KMT2A: variants seen among roughly 807,000 people sequenced by gnomAD.
KMT2A encodes the protein histone-lysine N-methyltransferase 2A.
Under a neutral mutation model 345.3 loss-of-function variants are expected in KMT2A, and 16 were observed. That is an observed-to-expected ratio of 0.05 (90% CI 0.03 to 0.07). The LOEUF (loss-of-function observed/expected upper bound fraction) is 0.07. Ranked by LOEUF, KMT2A falls within the 10% of genes least tolerant of loss-of-function variation. KMT2A has a pLI of 1.00. For missense variants in KMT2A, 3,272 were observed against 4,841.6 expected, an observed-to-expected ratio of 0.68 and a Z score of 9.62; for synonymous variants, 1,599 against 1,778.6, an observed-to-expected ratio of 0.90 and a Z score of 2.54.
rs1330841358 is a variant in KMT2A at position 118,520,837 on chromosome 11, G to A, written c.11465G>A (p.Arg3822His). Reference sequence around the variant, plus strand: ...AGCATGGATCTGCCAATGCCCATGCGCTTCCGGCACTTAAAAAAGACTTCT... The same window carrying A: ...AGCATGGATCTGCCAATGCCCATGCACTTCCGGCACTTAAAAAAGACTTCT... Reference protein sequence around the residue: ...ATSMDLPMPMRFRHLKKTSKE... With the variant: ...ATSMDLPMPMHFRHLKKTSKE... Residue 3822 changes from arginine (R) to histidine (H), a missense_variant, in exon 34 of 36, where the codon CGC becomes CAC. Transcript: ENST00000534358. The surrounding 1 kb of genome is among the most constrained non-coding windows in gnomAD (Gnocchi z 4.3). 2 of 1,613,922 alleles carry A rather than the reference G, an allele frequency of 1.2e-6. No individual in the cohort carries two copies. The highest frequency in any genetic ancestry group is 1.3e-5 in the African/African-American group (1 of 74,906).
At chr11:118,516,471 T>A (rs1809352716) in intron 31 of KMT2A, among the ~76,000 whole-genome samples, 1 of 152,078 alleles carries the variant, frequency 6.6e-6, no homozygotes. Context: ...TTAAAAAAAA[T>A]TAAATTAAAT....
chr11:118,460,389 G>A (rs1949723495), intron 1 of KMT2A, among the ~76,000 whole-genome samples: 1 of 151,246 alleles, frequency 6.6e-6, no homozygotes, highest in South Asian at 2.1e-4. Context: ...CCCAGGCTCA[G>A]GGATCCTCCT....
chr11:118,509,076 G>GTTTT, intron 28 of KMT2A, 60 bp from the exon 29 acceptor site: 1 of 1,491,142 alleles, frequency 6.7e-7, no homozygotes, highest in Non-Finnish European at 9.3e-7. Flanking sequence ...AAAATTCTGG[G>GTTTT]TTTTTTCTTT....
intron 1 of KMT2A, chr11:118,458,106 C>A (rs1949681307): frequency 3.1e-6 from 1 of 323,810 alleles, no homozygotes; most frequent in Non-Finnish European, 6.3e-6. Context: ...ATTTTTGAGA[C>A]AGGATCTCAC....
Position 118,494,764 on chromosome 11 carries a change from G to C in KMT2A, c.5360G>C (p.Ser1787Thr). The C allele has an allele frequency of 1.2e-6, 2 of 1,612,390 alleles. No individual in the cohort carries two copies. The highest frequency in any genetic ancestry group is 1.7e-6 in the Non-Finnish European group (2 of 1,178,534). The change falls in exon 18 of 36, where the codon AGC becomes ACC. Residue 1787 changes from serine to threonine, a missense_variant. By Grantham distance (58) the Ser-to-Thr change is moderately conservative. Coordinates refer to ENST00000534358, the MANE Select transcript of KMT2A (RefSeq NM_001197104.2). This position sits in a 1 kb window ranked among gnomAD's most constrained non-coding sequence, Gnocchi z 5.8. Reference sequence around the variant, plus strand: ...TTTTGGGAGCCAAATAAAGTATCAAGCAAGTAAGTGAATTTAGCATAACTT... The same window carrying C: ...TTTTGGGAGCCAAATAAAGTATCAACCAAGTAAGTGAATTTAGCATAACTT... Reference protein sequence around the residue: ...SRFWEPNKVSSNSGMLPNAVL... With the variant: ...SRFWEPNKVSTNSGMLPNAVL...
At chr11:118,500,207 C>A (rs1555045250) in intron 24 of KMT2A, among the ~76,000 whole-genome samples, 1 of 152,148 alleles carries the variant, frequency 6.6e-6, no homozygotes, top group Non-Finnish European at 1.5e-5. Flanking sequence ...CCATTCATCT[C>A]CATGCAGAAG....
At chr11:118,511,718 T>A (rs1361999693) in intron 30 of KMT2A, among the ~76,000 whole-genome samples, 1 of 152,224 alleles carries the variant, frequency 6.6e-6, no homozygotes, top group Admixed American at 6.5e-5. Flanking sequence ...TGACTTTCCT[T>A]AGTGCTTCTG....
chr11:118,521,257 G>C lies in KMT2A; in HGVS notation c.11514-31G>C, dbSNP rs200569641. 1 of 1,610,180 alleles carries C rather than the reference G, an allele frequency of 6.2e-7. No individual in the cohort carries two copies. Among genetic ancestry groups the C allele is most frequent in the Non-Finnish European group, 8.5e-7 (1 of 1,177,236 alleles). On this transcript the variant is annotated intron_variant, in intron 34 of 35. Coordinates refer to ENST00000534358, the MANE Select transcript of KMT2A (RefSeq NM_001197104.2). The surrounding 1 kb of genome is among the most constrained non-coding windows in gnomAD (Gnocchi z 5.3). ...GCACTTAACCTTACTTGCAAAATTT[G>C]TGTCTGACCTCTTTTCCATCTTTGT...
At position 118,494,624 on chromosome 11, in the gene KMT2A, T is replaced by A. The variant is rs932671197; in HGVS notation, c.5290-70T>A. On this transcript the variant is annotated intron_variant, in intron 17 of 35. Coordinates refer to ENST00000534358, the MANE Select transcript of KMT2A (RefSeq NM_001197104.2). This position sits in a 1 kb window ranked among gnomAD's most constrained non-coding sequence, Gnocchi z 5.8. Reference sequence around the variant, plus strand: ...ATCCTCGTATTAACAGAGAAGCTGGTTTGAAGATTTTTCATGTGGTATCTA... The same window carrying A: ...ATCCTCGTATTAACAGAGAAGCTGGATTGAAGATTTTTCATGTGGTATCTA... The A allele has an allele frequency of 7.4e-7, 1 of 1,357,566 alleles. No homozygotes were observed. Among genetic ancestry groups the A allele is most frequent in the African/African-American group, 1.4e-5 (1 of 69,612 alleles). 84.1% of individuals were successfully genotyped at this position (1,357,566 alleles called of 1,614,324 possible). A position where few individuals can be genotyped will look rare whatever the true frequency, so the allele number is the denominator to read the frequency against.
rs1359327837 is a variant in KMT2A, at chr11:118,498,252, A to G, written c.5803-118A>G. On this transcript the variant is annotated intron_variant, in intron 21 of 35. Transcript: ENST00000534358. The surrounding 1 kb of genome is among the most constrained non-coding windows in gnomAD (Gnocchi z 4.4). ...GATAAATTTTATCTGTTTTCAATTT[A>G]TCAATAGATAAAATGAATTGTAGGA... 2 of 1,202,216 alleles carry G rather than the reference A, an allele frequency of 1.7e-6. No homozygotes were observed. Among genetic ancestry groups the G allele is most frequent in the Non-Finnish European group, 2.3e-6 (2 of 853,864 alleles). The allele number at this position is 1,202,216 out of a possible 1,614,324, so 74.5% of individuals were successfully genotyped here.
intron 1 of KMT2A, among the ~76,000 whole-genome samples, chr11:118,468,564 T>C (rs1289529311): frequency 4.6e-5 from 7 of 152,202 alleles, no homozygotes; most frequent in Non-Finnish European, 8.8e-5. Context: ...GTTCAGTTAC[T>C]ACACAGCTCC....
In KMT2A at chr11:118,498,339, G is replaced by A; in HGVS notation, c.5803-31G>A. ...AACGTCTTAAAACATATGAAAGTCT[G>A]AATAGGACTCTGTTCTTTTTGGATT... is the stretch of plus-strand genomic sequence containing the variant. On this transcript the variant is annotated intron_variant, in intron 21 of 35. Transcript: ENST00000534358. This position sits in a 1 kb window ranked among gnomAD's most constrained non-coding sequence, Gnocchi z 4.4. The A allele has an allele frequency of 6.3e-7, 1 of 1,595,102 alleles. No homozygotes were observed. The highest frequency in any genetic ancestry group is 8.5e-7 in the Non-Finnish European group (1 of 1,172,326).
At chr11:118,452,586 C>T (rs1386554333) in intron 1 of KMT2A, among the ~76,000 whole-genome samples, 1 of 151,832 alleles carries the variant, frequency 6.6e-6, no homozygotes, top group Non-Finnish European at 1.5e-5. Context: ...TGACTACATG[C>T]TCTGCTGCCT....
At chr11:118,492,918 G>A in intron 15 of KMT2A, 139 bp from the exon 16 acceptor site, 2 of 692,670 alleles carry the variant, frequency 2.9e-6, no homozygotes, top group Non-Finnish European at 4.7e-6. Flanking sequence ...TTTTCTATTT[G>A]AGAAATCTGA....
chr11:118,476,360 A>C lies in KMT2A; in HGVS notation c.3157-445A>C, dbSNP rs1304661558. Among the ~76,000 whole-genome samples, 1 of 152,196 alleles carries C rather than the reference A, an allele frequency of 6.6e-6. No individual in the cohort carries two copies. The highest frequency in any genetic ancestry group is 2.4e-5 in the African/African-American group (1 of 41,438). Reference sequence around the variant, plus strand: ...GAGGGGAATTTAAAATAGTAGTATAATTGGGAATAGAAGCTTAGTTGTTTG... The same window carrying C: ...GAGGGGAATTTAAAATAGTAGTATACTTGGGAATAGAAGCTTAGTTGTTTG... On this transcript the variant is annotated intron_variant, in intron 3 of 35. Transcript: ENST00000534358. This position sits in a 1 kb window ranked among gnomAD's most constrained non-coding sequence, Gnocchi z 4.1.
In KMT2A at chr11:118,436,733, T is replaced by C. The variant is rs1555138635; in HGVS notation, c.221T>C (p.Val74Ala). The change falls in exon 1 of 36, where the codon GTT becomes GCT. Residue 74 changes from valine to alanine, a missense_variant. Around this residue, in one of 27 missense-constraint regions of KMT2A, gnomAD observed 412 missense variants for 511.0 expected, o/e 0.81. Transcript: ENST00000534358. The surrounding 1 kb of genome is among the most constrained non-coding windows in gnomAD (Gnocchi z 6.9). The stretch of plus-strand genomic sequence containing the variant: ...GCGGCGGGAAGCAGCGGGGCTGGGG[T>C]TCCAGGGGGAGCGGCCGCCGCCTCA... ...AAAAGSSGAGVPGGAAAASAA... is the reference protein window; with the variant it reads ...AAAAGSSGAGAPGGAAAASAA... The C allele has an allele frequency of 6.4e-7, 1 of 1,566,462 alleles. No homozygotes were observed. The highest frequency in any genetic ancestry group is 2.5e-5 in the East Asian group (1 of 40,672).
rs943362000 is a variant in KMT2A at position 118,490,311 on chromosome 11, C to T, written c.4696+62C>T. The T allele has an allele frequency of 2.2e-5, 32 of 1,465,870 alleles. No individual in the cohort carries two copies. The highest frequency in any genetic ancestry group is 2.9e-5 in the Non-Finnish European group (32 of 1,107,110). The allele number at this position is 1,465,870 out of a possible 1,614,324, so 90.8% of individuals were successfully genotyped here. ...TTGTACTTGGTGTTCTGGAGGTGAA[C>T]TAGACTCTAGTGAAATGAAATAAAA... is the stretch of plus-strand genomic sequence containing the variant. On this transcript the variant is annotated intron_variant, in intron 13 of 35. Coordinates refer to ENST00000534358, the MANE Select transcript of KMT2A (RefSeq NM_001197104.2). This position sits in a 1 kb window ranked among gnomAD's most constrained non-coding sequence, Gnocchi z 4.2.
At position 118,522,498 on chromosome 11, in the gene KMT2A, T is replaced by A; in HGVS notation, c.*326T>A. On this transcript the variant is annotated 3_prime_UTR_variant, in exon 36 of 36. Transcript: ENST00000534358. This position sits in a 1 kb window ranked among gnomAD's most constrained non-coding sequence, Gnocchi z 5.4. The stretch of plus-strand genomic sequence containing the variant: ...TAGAGGGTTGGTTATGTTGGGAGAT[T>A]GGGCCTGAATTTCTCCACAGAAATA... 3.3e-6 allele frequency: 1 copy of A among 303,050 alleles called. No individual in the cohort carries two copies. The allele number at this position is 303,050 out of a possible 1,614,324, so 18.8% of individuals were successfully genotyped here. A position where few individuals can be genotyped will look rare whatever the true frequency, so the allele number is the denominator to read the frequency against.
chr11:118,499,928 A>C lies in KMT2A; in HGVS notation c.6158+15A>C, dbSNP rs1452348228. 6.4e-7 allele frequency: 1 copy of C among 1,568,138 alleles called. No homozygotes were observed. The highest frequency in any genetic ancestry group is 8.8e-7 in the Non-Finnish European group (1 of 1,138,390). On this transcript the variant is annotated intron_variant, in intron 24 of 35. Coordinates refer to ENST00000534358, the MANE Select transcript of KMT2A (RefSeq NM_001197104.2). ...ATTGGATATCAGTAAGTAGCACTAT[A>C]AAGAGAAGAGAGCAGCCCCACAACC...
Sources: allele counts gnomAD v4.1 joint callset (sites outside exome capture counted in the v4.1 genomes callset), GRCh38; gene constraint gnomAD v4.1.1; regional missense constraint gnomAD v4.1.1; non-coding constraint Gnocchi (gnomAD v3.1); transcripts MANE v1.5; gene names NCBI Gene and HGNC (gene_info 2026-07-23, HGNC 2026-07-21).